The following NFIL3 variants were observed in gnomAD, a reference collection of about 807,000 sequenced individuals.
The protein encoded by NFIL3 is nuclear factor interleukin-3-regulated protein.
In NFIL3, 5 loss-of-function variants were observed where a neutral mutation model predicts 10.0. The ratio of observed to expected loss-of-function variants is 0.50; its 90% CI spans 0.26 to 1.06. The LOEUF (loss-of-function observed/expected upper bound fraction) is 1.06, where lower values mean the gene tolerates loss of function less well. Among genes scored for constraint, NFIL3 ranks in the 50% least tolerant of loss-of-function variants. The pLI is 0.13. For synonymous variants in NFIL3, 202 were observed against 206.5 expected (o/e 0.98, Z 0.19); for missense variants, 436 against 547.6 (o/e 0.80, Z 2.03).
At chr9:91,421,649 G>C (rs1833771818) in intron 1 of NFIL3, among the ~76,000 whole-genome samples, 1 of 152,140 alleles carries the variant, frequency 6.6e-6, no homozygotes, top group African/African-American at 2.4e-5. Context: ...GATCGCGATC[G>C]GAAGGTGGCG....
chr9:91,438,232 G>C, the NFIL3 span, among the ~76,000 whole-genome samples: 5 of 152,258 alleles, frequency 3.3e-5, no homozygotes, highest in Middle Eastern at 3.4e-3. Context: ...ATCTCATTGT[G>C]ATTTTGACTC....
the NFIL3 span, among the ~76,000 whole-genome samples, chr9:91,439,925 T>C: frequency 2.7e-4 from 41 of 152,180 alleles, no homozygotes; most frequent in African/African-American, 7.2e-4. Context: ...TAATATTTAA[T>C]TGAGAATTTT....
At position 91,409,422 on chromosome 9, in the gene NFIL3, G is replaced by C; in HGVS notation, c.1313C>G (p.Ala438Gly). The change falls in exon 2 of 2, where the codon GCA (alanine) becomes GGA (glycine). Residue 438 changes from alanine to glycine, a missense_variant. This residue lies in a region of NFIL3 where 338 missense variants were observed against 399.9 expected (regional missense o/e 0.85). Coordinates refer to ENST00000297689, the MANE Select transcript of NFIL3 (RefSeq NM_005384.3). Reference protein sequence around the residue: ...PENLYLKQGIANLSAEVVSLK... With the variant: ...PENLYLKQGIGNLSAEVVSLK... The stretch of plus-strand genomic sequence containing the variant: ...TGAGACAACCTCTGCAGATAAGTTT[G>C]CTATCCCCTGCTTCAAATACAAGTT... 3.1e-6 allele frequency: 5 copies of C among 1,613,836 alleles called. No individual in the cohort carries two copies. The highest frequency in any genetic ancestry group is 4.2e-6 in the Non-Finnish European group (5 of 1,179,906).
Position 91,409,792 on chromosome 9 carries a change from C to T in NFIL3, c.943G>A (p.Val315Ile), listed in dbSNP as rs1391531109. The change falls in exon 2 of 2, where the codon GTT becomes ATT. Residue 315 changes from valine to isoleucine, a missense_variant. Val to Ile is a conservative substitution (Grantham distance 29). This residue lies in a region of NFIL3 where 338 missense variants were observed against 399.9 expected (regional missense o/e 0.85). Transcript: ENST00000297689. ...AAGGCAGAGGAATTCACTTCTGGAA[C>T]TTTAACCACAGTTGCATGCACATGC... ...LKHVHATVVKVPEVNSSALPH... is the reference protein window; with the variant it reads ...LKHVHATVVKIPEVNSSALPH... 5 of 1,614,194 alleles carry T rather than the reference C, an allele frequency of 3.1e-6. No homozygotes were observed. Among genetic ancestry groups the T allele is most frequent in the Non-Finnish European group, 4.2e-6 (5 of 1,180,044 alleles).
chr9:91,482,432 GTGA>G, the NFIL3 span, among the ~76,000 whole-genome samples: 57,510 of 150,508 alleles, frequency 0.38, 13,488 homozygotes, highest in African/African-American at 0.67. Flanking sequence ...CCAGGGCTGG[GTGA>G]TGATGATGAT....
chr9:91,438,710 T>G, the NFIL3 span, among the ~76,000 whole-genome samples: 1 of 152,162 alleles, frequency 6.6e-6, no homozygotes, highest in Non-Finnish European at 1.5e-5. Flanking sequence ...ACAGTCCAAT[T>G]TCATTCTTTT....
chr9:91,480,724 A>T, the NFIL3 span, among the ~76,000 whole-genome samples: 2 of 152,226 alleles, frequency 1.3e-5, no homozygotes, highest in Non-Finnish European at 2.9e-5. Context: ...GACCAAGAAG[A>T]CCTCATAAAT....
upstream of NFIL3, among the ~76,000 whole-genome samples, chr9:91,428,052 T>C (rs1450082537): frequency 6.6e-6 from 1 of 152,166 alleles, no homozygotes; most frequent in African/African-American, 2.4e-5. Context: ...GGATTTTGGC[T>C]TTGATGCAAT....
intron 1 of NFIL3, among the ~76,000 whole-genome samples, chr9:91,421,135 G>A (rs2118028924): frequency 6.6e-6 from 1 of 151,786 alleles, no homozygotes; most frequent in African/African-American, 2.4e-5. Context: ...CCGCAGAACA[G>A]GCGCGGAGTC....
At chr9:91,457,225 A>T in the NFIL3 span, among the ~76,000 whole-genome samples, 1 of 151,154 alleles carries the variant, frequency 6.6e-6, no homozygotes, top group African/African-American at 2.4e-5. Flanking sequence ...AACATTTTTT[A>T]AGGATCAGTT....
At chr9:91,434,860 T>A in the NFIL3 span, among the ~76,000 whole-genome samples, 1 of 152,044 alleles carries the variant, frequency 6.6e-6, no homozygotes, top group Non-Finnish European at 1.5e-5. Context: ...AAAAAAAAAA[T>A]TAAGAATAGG....
At chr9:91,448,373 C>CA in the NFIL3 span, among the ~76,000 whole-genome samples, 1 of 152,074 alleles carries the variant, frequency 6.6e-6, no homozygotes, top group Non-Finnish European at 1.5e-5. Context: ...GGAGTACGTG[C>CA]AAAAAGAACA....
chr9:91,442,182 C>T, the NFIL3 span, among the ~76,000 whole-genome samples: 1 of 152,006 alleles, frequency 6.6e-6, no homozygotes, highest in Non-Finnish European at 1.5e-5. Context: ...TTTATTTCTC[C>T]TTCATTTCTT....
At chr9:91,465,280 T>TA in the NFIL3 span, among the ~76,000 whole-genome samples, 3 of 152,044 alleles carry the variant, frequency 2.0e-5, no homozygotes, top group Admixed American at 1.3e-4. Flanking sequence ...TTCTGTTTTT[T>TA]AAAAAAAATA....
the NFIL3 span, among the ~76,000 whole-genome samples, chr9:91,466,892 A>AT: frequency 6.6e-6 from 1 of 152,176 alleles, no homozygotes. Flanking sequence ...CTCTGAAGGC[A>AT]TTTTTTAGGC....
chr9:91,475,227 G>A, the NFIL3 span, among the ~76,000 whole-genome samples: 1 of 152,084 alleles, frequency 6.6e-6, no homozygotes, highest in Non-Finnish European at 1.5e-5. Context: ...TCCATAGATT[G>A]ATCACAAAAT....
chr9:91,409,565 A>G lies in NFIL3; in HGVS notation c.1170T>C (p.Asp390=), dbSNP rs768855871. The part of the protein sequence containing the change: ...PFSVQVTNIQ[D]WSLKSEHWHQ... ...GCCAGTGCTCCGATTTGAGAGACCA[A>G]TCTTGAATGTTAGTCACTTGCACTG... Residue 390 remains aspartate, a synonymous_variant, in exon 2 of 2, where the codon GAT becomes GAC. Coordinates refer to ENST00000297689, the MANE Select transcript of NFIL3 (RefSeq NM_005384.3). 1 of 1,614,180 alleles carries G rather than the reference A, an allele frequency of 6.2e-7. No individual in the cohort carries two copies. The highest frequency in any genetic ancestry group is 8.5e-7 in the Non-Finnish European group (1 of 1,179,992).
chr9:91,435,199 C>T, the NFIL3 span, among the ~76,000 whole-genome samples: 2 of 152,140 alleles, frequency 1.3e-5, no homozygotes, highest in Non-Finnish European at 2.9e-5. Flanking sequence ...ATATTCAGTC[C>T]TCTAAATGAT....
the NFIL3 span, among the ~76,000 whole-genome samples, chr9:91,476,752 T>G: frequency 6.6e-6 from 1 of 152,136 alleles, no homozygotes; most frequent in Admixed American, 6.5e-5. Context: ...AATATCACAT[T>G]TTGTAAATTA....
Sources: gnomAD v4.1 joint callset for allele counts (sites outside exome capture counted in the v4.1 genomes callset) on GRCh38, gnomAD v4.1.1 for gene constraint, gnomAD v4.1.1 regional missense constraint, MANE v1.5 for transcripts, NCBI Gene and HGNC (gene_info 2026-07-23, HGNC 2026-07-21) for gene names.